The following SIPA1L1 variants were observed in gnomAD, a reference collection of about 807,000 sequenced individuals.
The protein encoded by SIPA1L1 is signal induced proliferation associated 1 like 1, also known as signal-induced proliferation-associated 1-like protein 1.
A neutral mutation model predicts 162.7 loss-of-function variants in SIPA1L1; 26 were observed. The ratio of observed to expected loss-of-function variants is 0.16; its 90% CI spans 0.12 to 0.22. The LOEUF (loss-of-function observed/expected upper bound fraction) is 0.22, where lower values mean the gene tolerates loss of function less well. Ranked by LOEUF, SIPA1L1 falls within the 10% of genes least tolerant of loss-of-function variation. The probability of loss-of-function intolerance (pLI) is 1.00; values close to 1 mark genes in which losing one functional copy is unlikely to be tolerated. For missense variants in SIPA1L1, 1,874 were observed against 2,241.0 expected (o/e 0.84, Z 3.31); for synonymous variants, 829 against 837.4 (o/e 0.99, Z 0.17).
At chr14:71,322,060 GAAACGATCATGTTTCT>G (rs1248551001) in intron 2 of SIPA1L1, among the ~76,000 whole-genome samples, 6 of 152,222 alleles carry the variant, frequency 3.9e-5, no homozygotes, top group African/African-American at 1.4e-4. Flanking sequence ...TACTACCTGT[GAAACGATCATGTTTCT>G]AAACTGGAGC....
rs775059651 is a variant in SIPA1L1, at chr14:71,685,425, C to T, written c.3168C>T (p.Tyr1056=). 2.8e-5 allele frequency: 45 copies of T among 1,614,002 alleles called. No homozygotes were observed. Among genetic ancestry groups the T allele is most frequent in the African/African-American group, 4.0e-5 (3 of 74,908 alleles). The stretch of plus-strand genomic sequence containing the variant: ...ACAAAATGAATGAAGGTGTTTCATA[C>T]GAATTCAAGTTTCCCTTCCGAAATA... The part of the protein sequence containing the change: ...MEYKMNEGVS[Y]EFKFPFRNNN... The change falls in exon 13 of 24, where the codon TAC becomes TAT. Residue 1056 remains tyrosine (Y), a synonymous_variant. Transcript: ENST00000381232.
rs917574925 is a variant in SIPA1L1, at chr14:71,657,222, C to T, written c.1994-1111C>T. On this transcript the variant is annotated intron_variant, in intron 8 of 23. Transcript: ENST00000381232. ...AATTAGCCAGGCATGGTGGCATGCA[C>T]TTATAGTCCCAGCTACTCAGGAGGC... 9.9e-5 allele frequency among the ~76,000 whole-genome samples: 15 copies of T among 151,900 alleles called. No individual in the cohort carries two copies. The East Asian group carries it at 1.9e-3, about 20-fold the overall frequency.
chr14:71,361,235 A>T (rs964884925), intron 2 of SIPA1L1, among the ~76,000 whole-genome samples: 3 of 152,196 alleles, frequency 2.0e-5, no homozygotes, highest in South Asian at 4.1e-4. Context: ...TTCACAGTTG[A>T]TAAGAAAGCA....
intron 9 of SIPA1L1, among the ~76,000 whole-genome samples, chr14:71,658,765 A>C (rs950342549): frequency 6.6e-6 from 1 of 152,200 alleles, no homozygotes; most frequent in African/African-American, 2.4e-5. Context: ...AACATCCATG[A>C]GTGGGTGAAG....
At chr14:71,736,063 G>A (rs1195144118) in intron 22 of SIPA1L1, among the ~76,000 whole-genome samples, 1 of 152,178 alleles carries the variant, frequency 6.6e-6, no homozygotes, top group Non-Finnish European at 1.5e-5. Context: ...AGCACTTCTT[G>A]TTGCAGAATA....
At chr14:71,439,660 G>A (rs955146174) in intron 2 of SIPA1L1, among the ~76,000 whole-genome samples, 1 of 152,212 alleles carries the variant, frequency 6.6e-6, no homozygotes, top group Non-Finnish European at 1.5e-5. Flanking sequence ...TGGTAGCACA[G>A]TCTTTTTTCC....
chr14:71,707,912 T>A (rs867911090), intron 16 of SIPA1L1, among the ~76,000 whole-genome samples: 1 of 152,090 alleles, frequency 6.6e-6, no homozygotes. Context: ...GGCTTTTTTT[T>A]ATTATAGCCA....
chr14:71,688,214 G>C (rs1216591561), intron 13 of SIPA1L1, among the ~76,000 whole-genome samples: 1 of 152,164 alleles, frequency 6.6e-6, no homozygotes, highest in African/African-American at 2.4e-5. Flanking sequence ...TCTGAAATCT[G>C]TAATACTACA....
At chr14:71,470,198 T>C (rs994716176) in intron 2 of SIPA1L1, among the ~76,000 whole-genome samples, 5 of 152,206 alleles carry the variant, frequency 3.3e-5, no homozygotes, top group Non-Finnish European at 7.3e-5. Context: ...AATGTGAAAC[T>C]GGATGACAGT....
chr14:71,535,932 T>C (rs1472642512), intron 4 of SIPA1L1, among the ~76,000 whole-genome samples: 3 of 152,064 alleles, frequency 2.0e-5, no homozygotes, highest in African/African-American at 4.8e-5. Context: ...TTAAAAATGG[T>C]TTTTAACATA....
chr14:71,725,455 A>G (rs1263833491), intron 19 of SIPA1L1, among the ~76,000 whole-genome samples: 3 of 152,216 alleles, frequency 2.0e-5, no homozygotes, highest in African/African-American at 7.2e-5. Context: ...CTTCTATTTT[A>G]TGCTCAGAAT....
chr14:71,562,045 CACAAAGATCT>C (rs1252705603), intron 4 of SIPA1L1, among the ~76,000 whole-genome samples: 1 of 151,986 alleles, frequency 6.6e-6, no homozygotes, highest in Non-Finnish European at 1.5e-5. Flanking sequence ...GACGTCACCT[CACAAAGATCT>C]ATTAATATTT....
chr14:71,596,610 T>G (rs1384321148), intron 5 of SIPA1L1, among the ~76,000 whole-genome samples: 2 of 152,210 alleles, frequency 1.3e-5, no homozygotes, highest in African/African-American at 4.8e-5. Context: ...ATATTTAGCA[T>G]CTATTTTGTG....
intron 10 of SIPA1L1, among the ~76,000 whole-genome samples, chr14:71,665,527 G>C (rs983644658): frequency 2.0e-5 from 3 of 152,132 alleles, no homozygotes; most frequent in African/African-American, 7.2e-5. Flanking sequence ...CCAGTTGATA[G>C]AGAAGATTAG....
chr14:71,452,140 T>C (rs1261633483), intron 2 of SIPA1L1, among the ~76,000 whole-genome samples: 1 of 152,062 alleles, frequency 6.6e-6, no homozygotes, highest in African/African-American at 2.4e-5. Context: ...CAATTAAAAA[T>C]CAGGATACCA....
chr14:71,565,341 T>C (rs974705073), intron 4 of SIPA1L1, among the ~76,000 whole-genome samples: 1 of 152,206 alleles, frequency 6.6e-6, no homozygotes, highest in African/African-American at 2.4e-5. Flanking sequence ...AGGAGACTTT[T>C]TTGAAGTTAT....
chr14:71,385,744 G>A (rs1422017419), intron 2 of SIPA1L1, among the ~76,000 whole-genome samples: 1 of 143,500 alleles, frequency 7.0e-6, no homozygotes, highest in African/African-American at 2.6e-5. Context: ...CTGGAGTGCA[G>A]TGGCGCAATC....
At chr14:71,464,783 C>A (rs1454279105) in intron 2 of SIPA1L1, among the ~76,000 whole-genome samples, 1 of 152,148 alleles carries the variant, frequency 6.6e-6, no homozygotes, top group East Asian at 1.9e-4. Context: ...GGCTGTTCTC[C>A]AGATTTCTGT....
At chr14:71,528,231 T>C (rs1035398677) in intron 3 of SIPA1L1, among the ~76,000 whole-genome samples, 2 of 152,230 alleles carry the variant, frequency 1.3e-5, no homozygotes, top group African/African-American at 2.4e-5. Flanking sequence ...GAGAACTGTC[T>C]CCTCAGATCT....
Sources: allele counts gnomAD v4.1 joint callset (sites outside exome capture counted in the v4.1 genomes callset), GRCh38; gene constraint gnomAD v4.1.1; transcripts MANE v1.5; gene names NCBI Gene and HGNC (gene_info 2026-07-23, HGNC 2026-07-21).